Variants in ETV1 observed in about 807,000 individuals in gnomAD.
ETV1 encodes ETS variant transcription factor 1, also known as ETS translocation variant 1.
A neutral mutation model predicts 62.3 loss-of-function variants in ETV1; 27 were observed. The ratio of observed to expected loss-of-function variants is 0.43; its 90% CI spans 0.32 to 0.60. The LOEUF is 0.60. ETV1 is among the 20% of genes least tolerant of loss of function. The pLI is 0.06. For missense variants in ETV1, 605 were observed against 605.8 expected (o/e 1.00, Z 0.01); for synonymous variants, 222 against 199.6 (o/e 1.11, Z -0.94).
At chr7:13,959,440 T>G (rs1269534647) in intron 6 of ETV1, among the ~76,000 whole-genome samples, 2 of 152,202 alleles carry the variant, frequency 1.3e-5, no homozygotes, top group Non-Finnish European at 2.9e-5. Context: ...AAGGCAGGAA[T>G]CATGTTTTTT....
chr7:13,984,339 A>G (rs1782321051), intron 5 of ETV1, among the ~76,000 whole-genome samples: 1 of 152,074 alleles, frequency 6.6e-6, no homozygotes, highest in African/African-American at 2.4e-5. Context: ...GGATGTCCAG[A>G]AAGACATAAA....
chr7:13,990,360 A>G (rs577260625), upstream of ETV1: 7 of 152,386 alleles, frequency 4.6e-5, 1 homozygote, highest in African/African-American at 1.7e-4. Flanking sequence ...TTGTGATGGG[A>G]GGACAACAGA....
intron 9 of ETV1, among the ~76,000 whole-genome samples, chr7:13,914,637 A>G (rs1047045039): frequency 4.7e-5 from 7 of 147,470 alleles, no homozygotes; most frequent in Non-Finnish European, 1.0e-4. Flanking sequence ...AAAAAAAAAA[A>G]GTTACCTTCT....
At chr7:13,932,279 A>C (rs896892231) in intron 8 of ETV1, among the ~76,000 whole-genome samples, 1 of 152,170 alleles carries the variant, frequency 6.6e-6, no homozygotes, top group Non-Finnish European at 1.5e-5. Flanking sequence ...TTCTCAAATC[A>C]GGACTTTCAA....
At chr7:13,926,161 T>C (rs1785404091) in intron 9 of ETV1, among the ~76,000 whole-genome samples, 1 of 152,196 alleles carries the variant, frequency 6.6e-6, no homozygotes, top group African/African-American at 2.4e-5. Context: ...TATATATTTT[T>C]AATATTTTGC....
intron 7 of ETV1, 111 bp downstream of exon 7, chr7:13,939,006 T>C (rs1787149543): frequency 9.7e-7 from 1 of 1,034,218 alleles, no homozygotes; most frequent in Non-Finnish European, 1.4e-6. Flanking sequence ...AATTAGCTTG[T>C]TACATATTAA....
intron 6 of ETV1, among the ~76,000 whole-genome samples, chr7:13,964,752 T>C (rs745314917): frequency 2.6e-5 from 4 of 152,088 alleles, no homozygotes; most frequent in Non-Finnish European, 5.9e-5. Flanking sequence ...AAGTATCTTA[T>C]AGTGAATCTG....
intron 11 of ETV1, among the ~76,000 whole-genome samples, chr7:13,909,187 T>C (rs1425421009): frequency 6.6e-6 from 1 of 150,528 alleles, no homozygotes; most frequent in Non-Finnish European, 1.5e-5. Flanking sequence ...TGGGCAGTTA[T>C]GTTGTTCCTG....
At chr7:13,896,177 T>A in intron 13 of ETV1, 90 bp from the exon 14 acceptor site, 1 of 1,023,758 alleles carries the variant, frequency 9.8e-7, no homozygotes, top group Non-Finnish European at 1.5e-6. Context: ...TGGTTTAATA[T>A]ACAGGAAAGG....
chr7:13,949,368 A>G (rs1376338192), intron 6 of ETV1, among the ~76,000 whole-genome samples: 1 of 152,218 alleles, frequency 6.6e-6, no homozygotes, highest in East Asian at 1.9e-4. Flanking sequence ...ATGGATCGCA[A>G]TGACCTCAAT....
chr7:13,952,009 T>C lies in ETV1; in HGVS notation c.236-12763A>G, dbSNP rs560226197. Reference sequence around the variant, plus strand: ...CACTACTTTTTCTATTTAATCTTGTTTCCAATTTCTCTATCAGTCAACTAC... The same window carrying C: ...CACTACTTTTTCTATTTAATCTTGTCTCCAATTTCTCTATCAGTCAACTAC... On this transcript the variant is annotated intron_variant, in intron 6 of 13. Coordinates refer to ENST00000430479, the MANE Select transcript of ETV1 (RefSeq NM_004956.5). Among the ~76,000 whole-genome samples, 26 of 152,212 alleles carry C rather than the reference T, an allele frequency of 1.7e-4. No individual in the cohort carries two copies. In the South Asian group the frequency reaches 5.2e-3, roughly 30 times the overall value.
intron 12 of ETV1, among the ~76,000 whole-genome samples, chr7:13,902,890 T>C (rs574298677): frequency 3.2e-4 from 49 of 152,196 alleles, no homozygotes; most frequent in Non-Finnish European, 6.6e-4. Flanking sequence ...TGGGTATTAG[T>C]GGACATTTAA....
chr7:13,951,200 T>TCA (rs1788784144), intron 6 of ETV1, among the ~76,000 whole-genome samples: 3 of 151,530 alleles, frequency 2.0e-5, no homozygotes, highest in African/African-American at 7.3e-5. Context: ...TCTCTCTCTC[T>TCA]CACACACACA....
chr7:13,924,134 T>C (rs1214834716), intron 9 of ETV1, among the ~76,000 whole-genome samples: 1 of 152,206 alleles, frequency 6.6e-6, no homozygotes, highest in Non-Finnish European at 1.5e-5. Flanking sequence ...TGAGATCCTG[T>C]AGTCCCTCAT....
intron 9 of ETV1, among the ~76,000 whole-genome samples, chr7:13,922,725 G>T (rs542868287): frequency 1.3e-5 from 2 of 152,254 alleles, no homozygotes; most frequent in African/African-American, 4.8e-5. Flanking sequence ...ATAAATATCA[G>T]TTACCTTTAT....
intron 6 of ETV1, among the ~76,000 whole-genome samples, chr7:13,969,080 C>G (rs1232134633): frequency 6.6e-6 from 1 of 152,156 alleles, no homozygotes; most frequent in Non-Finnish European, 1.5e-5. Context: ...ACCAGTGGAA[C>G]AGTAGAACAT....
intron 11 of ETV1, chr7:13,908,005 T>G (rs1583584501): frequency 5.5e-6 from 2 of 363,534 alleles, no homozygotes; most frequent in East Asian, 7.3e-5. Flanking sequence ...ATTTACAATG[T>G]TTTTTTTATG....
intron 9 of ETV1, among the ~76,000 whole-genome samples, chr7:13,914,223 C>T (rs916467105): frequency 7.9e-5 from 12 of 151,790 alleles, no homozygotes; most frequent in Non-Finnish European, 1.2e-4. Context: ...CAGTATTACC[C>T]CCTCATGTTA....
intron 5 of ETV1, among the ~76,000 whole-genome samples, chr7:13,984,595 T>A (rs1323385370): frequency 1.3e-5 from 2 of 152,020 alleles, no homozygotes; most frequent in Admixed American, 6.6e-5. Context: ...TAACGTAAAC[T>A]GTTTTGAAAA....
Sources: gnomAD v4.1 joint callset for allele counts (sites outside exome capture counted in the v4.1 genomes callset) on GRCh38, gnomAD v4.1.1 for gene constraint, MANE v1.5 for transcripts, NCBI Gene and HGNC (gene_info 2026-07-23, HGNC 2026-07-21) for gene names.